HEG1: variants seen among roughly 807,000 people sequenced by gnomAD.
HEG1 encodes protein HEG homolog 1.
HEG1 carries 56 observed loss-of-function variants against 125.6 expected under a neutral mutation model. The observed-to-expected ratio is 0.45, with a 90% CI of 0.36 to 0.56. The LOEUF (loss-of-function observed/expected upper bound fraction) is 0.56. Among genes scored for constraint, HEG1 ranks in the 20% least tolerant of loss-of-function variants. The probability of loss-of-function intolerance (pLI) is 0.00; values close to 1 mark genes in which losing one functional copy is unlikely to be tolerated. For missense variants in HEG1, 1,523 were observed against 1,670.0 expected, an observed-to-expected ratio of 0.91 and a Z score of 1.53; for synonymous variants, 644 against 668.5, an observed-to-expected ratio of 0.96 and a Z score of 0.57.
At chr3:124,975,919 A>G (rs1936527488) in intron 15 of HEG1, among the ~76,000 whole-genome samples, 1 of 152,226 alleles carries the variant, frequency 6.6e-6, no homozygotes, top group Admixed American at 6.5e-5. Context: ...TTGTTTATCC[A>G]TTGACAAACA....
At position 124,967,128 on chromosome 3, in the gene HEG1, C is replaced by G. The variant is rs368469503; in HGVS notation, c.*3524G>C. 1.5e-4 allele frequency: 23 copies of G among 152,360 alleles called. No individual in the cohort carries two copies. The highest frequency in any genetic ancestry group is 5.0e-4 in the African/African-American group (21 of 41,586). The allele number at this position is 152,360 out of a possible 1,614,324, so 9.4% of individuals were successfully genotyped here. On this transcript the variant is annotated 3_prime_UTR_variant, in exon 17 of 17. Coordinates refer to ENST00000311127, the MANE Select transcript of HEG1 (RefSeq NM_020733.2). ...TGTCTTAGCTGCTTCTGAAAATATA[C>G]TTCCCCTCAAAGGAGGAAGATGTGT...
In HEG1 at chr3:125,018,154, T is replaced by C. The variant is rs1330279006; in HGVS notation, c.1588+1108A>G. ...CAAACATCCATCAATTGATGACAAT[T>C]GATAAACAAAGTGTGGTATATCCCT... On this transcript the variant is annotated intron_variant, in intron 5 of 16. Transcript: ENST00000311127. Among the ~76,000 whole-genome samples, 4 of 152,298 alleles carry C rather than the reference T, an allele frequency of 2.6e-5. No homozygotes were observed. In the East Asian group the frequency reaches 5.8e-4, roughly 22 times the overall value.
intron 12 of HEG1, among the ~76,000 whole-genome samples, chr3:124,993,207 T>C (rs1936860768): frequency 6.6e-6 from 1 of 152,226 alleles, no homozygotes; most frequent in South Asian, 2.1e-4. Flanking sequence ...CCCTGCTGTG[T>C]CTCATTCTGC....
intron 15 of HEG1, among the ~76,000 whole-genome samples, chr3:124,974,958 G>T (rs944562375): frequency 6.6e-6 from 1 of 152,166 alleles, no homozygotes; most frequent in Admixed American, 6.5e-5. Flanking sequence ...AGCAGGCACA[G>T]GCTCCTTCCC....
At chr3:125,031,962 G>A (rs1389974773) in intron 1 of HEG1, among the ~76,000 whole-genome samples, 2 of 152,132 alleles carry the variant, frequency 1.3e-5, no homozygotes, top group East Asian at 1.9e-4. Flanking sequence ...ATTAAAAAAT[G>A]TGAAATTAAT....
At chr3:124,973,590 AC>A in intron 16 of HEG1, 140 bp downstream of exon 16, 1 of 604,902 alleles carries the variant, frequency 1.7e-6, no homozygotes, top group Non-Finnish European at 2.8e-6. Flanking sequence ...CTGTAGGTAA[AC>A]TGACTAGTAA....
chr3:125,015,832 T>C (rs1937238238), intron 5 of HEG1, among the ~76,000 whole-genome samples: 1 of 152,018 alleles, frequency 6.6e-6, no homozygotes, highest in African/African-American at 2.4e-5. Flanking sequence ...TCTTTTCTGG[T>C]TCTTATTCAC....
At chr3:125,036,177 T>TCTAG (rs1937545142) in intron 1 of HEG1, among the ~76,000 whole-genome samples, 1 of 130,444 alleles carries the variant, frequency 7.7e-6, no homozygotes, top group Admixed American at 9.3e-5. Context: ...GCCACTGCAC[T>TCTAG]CTAGCCTGGA....
intron 6 of HEG1, among the ~76,000 whole-genome samples, chr3:125,010,960 T>C (rs1377396402): frequency 6.6e-6 from 1 of 152,250 alleles, no homozygotes; most frequent in South Asian, 2.1e-4. Flanking sequence ...AGATTTACTC[T>C]GTATACGTGT....
intron 11 of HEG1, 65 bp from the exon 12 acceptor site, chr3:124,997,888 C>A: frequency 6.8e-7 from 1 of 1,466,792 alleles, no homozygotes; most frequent in East Asian, 2.4e-5. Flanking sequence ...CTTAAAATCT[C>A]CTCCACTTCA....
rs369837435 is a variant in HEG1, at chr3:125,028,071, C to T, written c.611-564G>A. On this transcript the variant is annotated intron_variant, in intron 2 of 16. Coordinates refer to ENST00000311127, the MANE Select transcript of HEG1 (RefSeq NM_020733.2). ...TTCAGGCCATCAACAGGTCCTATCA[C>T]TTTTCCTTGGTGAAGTCTCCTCTTC... 2.0e-4 allele frequency among the ~76,000 whole-genome samples: 31 copies of T among 151,574 alleles called. 1 individual carries two copies. The South Asian group carries it at 6.6e-3, about 32-fold the overall frequency.
chr3:124,980,804 C>T (rs1456479747), intron 14 of HEG1, among the ~76,000 whole-genome samples: 1 of 152,078 alleles, frequency 6.6e-6, no homozygotes, highest in Non-Finnish European at 1.5e-5. Context: ...CAGGTGTGAG[C>T]CACAGCGCCT....
At chr3:124,992,389 T>A (rs538454745) in intron 12 of HEG1, among the ~76,000 whole-genome samples, 2 of 152,268 alleles carry the variant, frequency 1.3e-5, no homozygotes, top group South Asian at 2.1e-4. Flanking sequence ...CATGCTTGAA[T>A]GAAAGCAATG....
chr3:125,021,612 T>C (rs1256227000), intron 3 of HEG1, among the ~76,000 whole-genome samples: 1 of 152,252 alleles, frequency 6.6e-6, no homozygotes, highest in Non-Finnish European at 1.5e-5. Context: ...CAGGTCACTG[T>C]TGAGGAGGCC....
chr3:125,005,171 G>C lies in HEG1; in HGVS notation c.3297+94C>G, dbSNP rs1937054281. ...AATATAACAAAAGTGAAGAGCCCAG[G>C]AGACACAGCTGACCGCTAGGCAGTC... is the stretch of plus-strand genomic sequence containing the variant. On this transcript the variant is annotated intron_variant, in intron 9 of 16. Transcript: ENST00000311127. The C allele has an allele frequency of 3.3e-5, 24 of 720,822 alleles. No homozygotes were observed. In the South Asian group the frequency reaches 4.1e-4, roughly 12 times the overall value. The allele number at this position is 720,822 out of a possible 1,614,324, so 44.7% of individuals were successfully genotyped here.
chr3:124,973,087 T>A (rs1470967484), intron 16 of HEG1, among the ~76,000 whole-genome samples: 1 of 151,914 alleles, frequency 6.6e-6, no homozygotes, highest in East Asian at 1.9e-4. Flanking sequence ...AGTGGTGCAA[T>A]CTTGGCTCAC....
At chr3:125,002,090 C>T (rs555657757) in intron 10 of HEG1, 78 bp from the exon 11 acceptor site, 246 of 1,540,080 alleles carry the variant, frequency 1.6e-4, no homozygotes, top group Non-Finnish European at 2.1e-4. Flanking sequence ...TGAATGTCAT[C>T]GCCATTCACC....
At position 124,989,622 on chromosome 3, in the gene HEG1, AAC is replaced by A. The variant is rs1936795638; in HGVS notation, c.3733+1163_3733+1164del. Among the ~76,000 whole-genome samples the A allele has an allele frequency of 2.6e-5, 4 of 152,146 alleles. No homozygotes were observed. In the South Asian group the frequency reaches 8.3e-4, roughly 32 times the overall value. On this transcript the variant is annotated intron_variant, in intron 14 of 16. Transcript: ENST00000311127. ...TCTCCAAGAACTGGATTAGGTGCAAAACACGCCCCGCTCACAGTCCCCACCAA... is the reference window on the plus strand; with the variant it reads ...TCTCCAAGAACTGGATTAGGTGCAAAACGCCCCGCTCACAGTCCCCACCAA...
chr3:125,007,276 A>C (rs897492086), intron 8 of HEG1, among the ~76,000 whole-genome samples: 12 of 152,192 alleles, frequency 7.9e-5, no homozygotes, highest in Non-Finnish European at 1.2e-4. Context: ...AGGACAGTAA[A>C]CGTGGCATCT....
Sources: allele counts gnomAD v4.1 joint callset (sites outside exome capture counted in the v4.1 genomes callset), GRCh38; gene constraint gnomAD v4.1.1; transcripts MANE v1.5; gene names NCBI Gene and HGNC (gene_info 2026-07-23, HGNC 2026-07-21).